The following NID2 variants were observed in gnomAD, a reference collection of about 807,000 sequenced individuals.
NID2 encodes the protein nidogen 2.
Under a neutral mutation model 145.4 loss-of-function variants are expected in NID2, and 83 were observed. The ratio of observed to expected loss-of-function variants is 0.57; its 90% CI spans 0.48 to 0.69. The LOEUF (loss-of-function observed/expected upper bound fraction) is 0.69. Among genes scored for constraint, NID2 ranks in the 30% least tolerant of loss-of-function variants. The pLI is 0.00. For missense variants in NID2, 1,807 were observed against 1,765.7 expected (o/e 1.02, Z -0.42); for synonymous variants, 739 against 701.3 (o/e 1.05, Z -0.85).
chr14:52,061,246 G>A (rs1595056767), intron 2 of NID2, among the ~76,000 whole-genome samples: 1 of 152,324 alleles, frequency 6.6e-6, no homozygotes, highest in East Asian at 1.9e-4. Flanking sequence ...AGAGGTGTTT[G>A]TGATTCCCTA....
chr14:52,013,579 C>T (rs1300462154), intron 16 of NID2, among the ~76,000 whole-genome samples: 1 of 152,150 alleles, frequency 6.6e-6, no homozygotes, highest in African/African-American at 2.4e-5. Context: ...AGATGATTTT[C>T]CACTGTGTCG....
chr14:52,035,528 G>A (rs151274917), intron 9 of NID2, among the ~76,000 whole-genome samples: 80 of 152,220 alleles, frequency 5.3e-4, no homozygotes, highest in Middle Eastern at 6.8e-3. Context: ...ACTTTGAGAC[G>A]GGGTCTTGTT....
intron 12 of NID2, 132 bp downstream of exon 12, chr14:52,027,069 C>T (rs555004414): frequency 2.2e-6 from 2 of 922,762 alleles, no homozygotes; most frequent in East Asian, 3.3e-5. Flanking sequence ...GCTTTTTTCT[C>T]ACTATTTTGG....
At chr14:52,035,534 T>G (rs1180098086) in intron 9 of NID2, among the ~76,000 whole-genome samples, 1 of 152,204 alleles carries the variant, frequency 6.6e-6, no homozygotes, top group Non-Finnish European at 1.5e-5. Context: ...AGACGGGGTC[T>G]TGTTATGTGG....
chr14:52,014,358 G>C lies in NID2; in HGVS notation c.3349C>G (p.Gln1117Glu). ...GTFLLYTQGQ[Q>E]IGYLPLNGTR... ...CCATTGAGGGGTAAGTAGCCAATCT[G>C]CTGGCCCTGAGTATAGAGCAGGAAG... Residue 1117 changes from glutamine (Q) to glutamate (E), a missense_variant, in exon 16 of 22, where the codon CAG becomes GAG. Gln to Glu is a conservative substitution (Grantham distance 29, BLOSUM62 2). Transcript: ENST00000216286. The C allele has an allele frequency of 1.2e-6, 2 of 1,614,262 alleles. No individual in the cohort carries two copies. The highest frequency in any genetic ancestry group is 1.7e-6 in the Non-Finnish European group (2 of 1,180,040).
At chr14:52,037,813 A>G (rs535382571) in intron 9 of NID2, among the ~76,000 whole-genome samples, 1 of 152,254 alleles carries the variant, frequency 6.6e-6, no homozygotes, top group Admixed American at 6.5e-5. Context: ...TGGGTCTTAA[A>G]TTTTTTTCCA....
chr14:52,027,179 A>C (rs1352562124), intron 12 of NID2, 22 bp downstream of exon 12: 2 of 1,458,920 alleles, frequency 1.4e-6, no homozygotes, highest in Non-Finnish European at 1.8e-6. Context: ...CCAGTCATTG[A>C]GGCTGACCTG....
chr14:52,067,968 C>G lies in NID2; in HGVS notation c.424G>C (p.Ala142Pro), dbSNP rs151087044. Reference sequence around the variant, plus strand: ...AAGCGCGCAGAGCGCGGGAAGCCAGCGCGCACATAGCGGGCGGCCAGGCCC... The same window carrying G: ...AAGCGCGCAGAGCGCGGGAAGCCAGGGCGCACATAGCGGGCGGCCAGGCCC... The part of the protein sequence containing the change: ...VLGLAARYVR[A>P]GFPRSARFTP... The change falls in exon 2 of 22, where the codon GCT becomes CCT. Residue 142 changes from alanine (A) to proline (P), a missense_variant. Physicochemically the swap from Ala to Pro is conservative, Grantham distance 27. Coordinates refer to ENST00000216286, the MANE Select transcript of NID2 (RefSeq NM_007361.4). 12 of 1,611,032 alleles carry G rather than the reference C, an allele frequency of 7.4e-6. No homozygotes were observed. In the Middle Eastern group the frequency reaches 5.0e-4, roughly 67 times the overall value.
intron 18 of NID2, chr14:52,009,286 A>G (rs1054220482): frequency 1.3e-5 from 2 of 152,208 alleles, no homozygotes; most frequent in African/African-American, 2.4e-5. Context: ...TCCTCCCCAA[A>G]ATGATTTAAT....
At chr14:52,027,101 C>T in intron 12 of NID2, 100 bp downstream of exon 12, 1 of 1,249,826 alleles carries the variant, frequency 8.0e-7, no homozygotes, top group Middle Eastern at 2.1e-4. Flanking sequence ...CTGTTAGAGT[C>T]AAAGGAAGTC....
At chr14:52,031,059 A>G (rs12894021) in intron 9 of NID2, among the ~76,000 whole-genome samples, 10,377 of 152,278 alleles carry the variant, frequency 0.068, 395 homozygotes, top group Middle Eastern at 0.13. Flanking sequence ...GAGCTGGAAT[A>G]AAAGTCTAGC....
Position 52,027,310 on chromosome 14 carries a change from G to A in NID2, c.2565C>T (p.Gly855=). 6.3e-7 allele frequency: 1 copy of A among 1,590,404 alleles called. No individual in the cohort carries two copies. Among genetic ancestry groups the A allele is most frequent in the Non-Finnish European group, 8.6e-7 (1 of 1,169,498 alleles). The part of the protein sequence containing the change: ...ITPPANPCED[G]SHTCAPAGQA... ...GCCCAGCAGGAGCACAGGTATGACT[G>A]CCATCCTCACAGGGGTTGGCAGGTG... The change falls in exon 12 of 22, where the codon GGC becomes GGT. Residue 855 remains glycine (G), a synonymous_variant. Coordinates refer to ENST00000216286, the MANE Select transcript of NID2 (RefSeq NM_007361.4).
At chr14:52,060,462 C>A in intron 2 of NID2, 106 bp from the exon 3 acceptor site, 1 of 571,864 alleles carries the variant, frequency 1.7e-6, no homozygotes, top group Non-Finnish European at 2.8e-6. Flanking sequence ...TCATAACGTG[C>A]AAAGAACTTC....
chr14:52,054,393 G>C (rs557659911), intron 3 of NID2, 72 bp from the exon 4 acceptor site: 1 of 1,449,304 alleles, frequency 6.9e-7, no homozygotes, highest in Non-Finnish European at 9.4e-7. Flanking sequence ...CCTAGAAGGT[G>C]AACAACTTAT....
At chr14:52,034,131 C>A (rs1486373390) in intron 9 of NID2, among the ~76,000 whole-genome samples, 1 of 152,060 alleles carries the variant, frequency 6.6e-6, no homozygotes, top group Non-Finnish European at 1.5e-5. Context: ...TATTATTTGA[C>A]TGGGGTGGGA....
At chr14:52,037,192 T>C (rs971111679) in intron 9 of NID2, among the ~76,000 whole-genome samples, 3 of 152,236 alleles carry the variant, frequency 2.0e-5, no homozygotes, top group African/African-American at 7.2e-5. Flanking sequence ...GGTCACTCAG[T>C]GGTCCCAGCA....
Position 52,008,206 on chromosome 14 carries a change from C to T in NID2, c.3723-239G>A, listed in dbSNP as rs1890869413. The T allele has an allele frequency of 3.6e-5, 14 of 388,952 alleles. No homozygotes were observed. In the East Asian group the frequency reaches 6.4e-4, roughly 18 times the overall value. The allele number at this position is 388,952 out of a possible 1,614,324, so 24.1% of individuals were successfully genotyped here. On this transcript the variant is annotated intron_variant, in intron 18 of 21. Transcript: ENST00000216286. ...CTGGTTTCTGCCTTAGGGGCTCTCT[C>T]TTGCTCCCTTTGAGGGAAGCTGGAT...
chr14:52,005,221 C>T lies in NID2; in HGVS notation c.*265G>A, dbSNP rs184959455. The T allele has an allele frequency of 3.2e-5, 11 of 347,156 alleles. No homozygotes were observed. The highest frequency in any genetic ancestry group is 1.9e-4 in the African/African-American group (9 of 47,432). 21.5% of individuals were successfully genotyped at this position (347,156 alleles called of 1,614,324 possible). On this transcript the variant is annotated 3_prime_UTR_variant, in exon 22 of 22. Transcript: ENST00000216286. Reference sequence around the variant, plus strand: ...TTTAAATATTAATGATAAATGTTTACAAGAAGTTGCTTTAATAAGCAACAG... The same window carrying T: ...TTTAAATATTAATGATAAATGTTTATAAGAAGTTGCTTTAATAAGCAACAG...
chr14:52,019,161 G>A lies in NID2; in HGVS notation c.2928C>T (p.Gly976=), dbSNP rs372306558. 2 of 1,614,022 alleles carry A rather than the reference G, an allele frequency of 1.2e-6. No individual in the cohort carries two copies. The highest frequency in any genetic ancestry group is 2.7e-5 in the African/African-American group (2 of 74,924). The part of the protein sequence containing the change: ...QGNFLPLQCH[G]STGFCWCVDP... Reference sequence around the variant, plus strand: ...CCACGCACCAGCAGAAACCAGTGCTGCCATGACACTGTAGGGGCAGGAAGT... The same window carrying A: ...CCACGCACCAGCAGAAACCAGTGCTACCATGACACTGTAGGGGCAGGAAGT... Residue 976 remains glycine (G), a synonymous_variant, in exon 14 of 22, where the codon GGC becomes GGT. Coordinates refer to ENST00000216286, the MANE Select transcript of NID2 (RefSeq NM_007361.4).
Sources: gnomAD v4.1 joint callset for allele counts (sites outside exome capture counted in the v4.1 genomes callset) on GRCh38, gnomAD v4.1.1 for gene constraint, MANE v1.5 for transcripts, NCBI Gene and HGNC (gene_info 2026-07-23, HGNC 2026-07-21) for gene names.